Variants in SCAI observed in about 807,000 individuals in gnomAD.
SCAI encodes protein SCAI.
SCAI carries 24 observed loss-of-function variants against 92.2 expected under a neutral mutation model. The observed-to-expected ratio is 0.26, with a 90% CI of 0.19 to 0.37. The LOEUF is 0.37. Ranked by LOEUF, SCAI falls within the 10% of genes least tolerant of loss-of-function variation. The pLI is 1.00. For synonymous variants in SCAI, 261 were observed against 258.6 expected, an observed-to-expected ratio of 1.01 and a Z score of -0.09; for missense variants, 450 against 736.2, an observed-to-expected ratio of 0.61 and a Z score of 4.50.
At chr9:125,106,126 T>TATATATAC (rs1834788157) in intron 2 of SCAI, among the ~76,000 whole-genome samples, 1 of 59,272 alleles carries the variant, frequency 1.7e-5, no homozygotes, top group Admixed American at 1.9e-4. Flanking sequence ...AAAAAAAATA[T>TATATATAC]ATATATATAT....
chr9:125,012,466 C>T (rs1197705756), intron 9 of SCAI, among the ~76,000 whole-genome samples: 1 of 152,186 alleles, frequency 6.6e-6, no homozygotes, highest in African/African-American at 2.4e-5. Context: ...GGGATCGATT[C>T]AACAAGAGCT....
At chr9:125,002,863 A>G (rs888005169) in intron 11 of SCAI, among the ~76,000 whole-genome samples, 2 of 151,860 alleles carry the variant, frequency 1.3e-5, no homozygotes, top group Non-Finnish European at 2.9e-5. Flanking sequence ...TTAATTAATG[A>G]TGGGAATAAT....
chr9:124,980,322 T>TC (rs57436735), intron 14 of SCAI, among the ~76,000 whole-genome samples: 21 of 151,622 alleles, frequency 1.4e-4, no homozygotes, highest in East Asian at 9.7e-4. Context: ...TTTTTTTTTT[T>TC]CCCCCAATAA....
rs71374207 is a variant in SCAI at position 124,944,466 on chromosome 9, A to ATTTTTTTTTTTTTTTTTTTTT, written c.*8320_*8340dup. The ATTTTTTTTTTTTTTTTTTTTT allele has an allele frequency of 1.2e-5, 1 of 84,728 alleles. No individual in the cohort carries two copies. The highest frequency in any genetic ancestry group is 2.1e-5 in the Non-Finnish European group (1 of 47,522). The allele number at this position is 84,728 out of a possible 1,614,324, so 5.2% of individuals were successfully genotyped here. ...AGGCGCACACCACCATGCCTGGCTA[A>ATTTTTTTTTTTTTTTTTTTTT]TTTTTTTTTTTTTTTTTTTTTTTTT... is the stretch of plus-strand genomic sequence containing the variant. On this transcript the variant is annotated 3_prime_UTR_variant, in exon 18 of 18. Coordinates refer to ENST00000336505, the MANE Select transcript of SCAI (RefSeq NM_001144877.3).
chr9:125,079,902 AC>A (rs1277885057), intron 2 of SCAI, among the ~76,000 whole-genome samples: 1 of 152,238 alleles, frequency 6.6e-6, no homozygotes, highest in Non-Finnish European at 1.5e-5. Context: ...GAATATGTGC[AC>A]AACACTTAAC....
intron 3 of SCAI, among the ~76,000 whole-genome samples, chr9:125,053,609 G>C (rs1254841180): frequency 6.6e-6 from 1 of 152,060 alleles, no homozygotes; most frequent in Non-Finnish European, 1.5e-5. Flanking sequence ...ATCCAAAATA[G>C]GTAAATCCAT....
Position 124,990,224 on chromosome 9 carries a change from C to G in SCAI, c.1326+4710G>C, listed in dbSNP as rs140432065. Among the ~76,000 whole-genome samples, 260 of 152,078 alleles carry G rather than the reference C, an allele frequency of 1.7e-3. 2 individuals carry two copies. The highest frequency in any genetic ancestry group is 5.9e-3 in the African/African-American group (244 of 41,494). On this transcript the variant is annotated intron_variant, in intron 14 of 17. Transcript: ENST00000336505. The stretch of plus-strand genomic sequence containing the variant: ...GGAAGCTAGGCTGGGAGCGGTGGTT[C>G]ACGCCTGTAATTCTAGCACTCTGGG...
intron 14 of SCAI, among the ~76,000 whole-genome samples, chr9:124,983,997 G>C (rs1289850010): frequency 6.6e-6 from 1 of 152,192 alleles, no homozygotes; most frequent in Non-Finnish European, 1.5e-5. Flanking sequence ...CTACAGAAAA[G>C]TTAACTGTTA....
chr9:125,105,877 T>C (rs1370106479), intron 2 of SCAI, among the ~76,000 whole-genome samples: 3 of 151,320 alleles, frequency 2.0e-5, no homozygotes, highest in African/African-American at 7.3e-5. Context: ...GGCAGGCAGA[T>C]CATGAGGTCA....
At chr9:125,102,920 CCCTT>C in intron 2 of SCAI, among the ~76,000 whole-genome samples, 1 of 152,236 alleles carries the variant, frequency 6.6e-6, no homozygotes, top group Non-Finnish European at 1.5e-5. Context: ...CTTCTCCTCT[CCCTT>C]AAGTCATCTC....
At chr9:125,052,609 G>A (rs1444218029) in intron 3 of SCAI, among the ~76,000 whole-genome samples, 1 of 151,682 alleles carries the variant, frequency 6.6e-6, no homozygotes, top group Non-Finnish European at 1.5e-5. Flanking sequence ...GGGGACAAGA[G>A]CAAAACTTCA....
chr9:125,037,907 A>T (rs1450459666), intron 3 of SCAI, among the ~76,000 whole-genome samples: 1 of 150,548 alleles, frequency 6.6e-6, no homozygotes, highest in Non-Finnish European at 1.5e-5. Context: ...CGAGAGTGAA[A>T]CTCCATCTCA....
rs1278173517 is a variant in SCAI at position 124,943,927 on chromosome 9, CTATT to C, written c.*8876_*8879del. 1.3e-5 allele frequency: 2 copies of C among 152,296 alleles called. 1 individual carries two copies. Among genetic ancestry groups the C allele is most frequent in the African/African-American group, 4.8e-5 (2 of 41,556 alleles). The allele number at this position is 152,296 out of a possible 1,614,324, so 9.4% of individuals were successfully genotyped here. ...TCTGATTCAATGATTAATGAAATCA[CTATT>C]TATACTGGTGCTACACAACGAAGAT... On this transcript the variant is annotated 3_prime_UTR_variant, in exon 18 of 18. Coordinates refer to ENST00000336505, the MANE Select transcript of SCAI (RefSeq NM_001144877.3).
intron 2 of SCAI, among the ~76,000 whole-genome samples, chr9:125,134,922 C>T (rs1299875620): frequency 2.0e-5 from 3 of 151,990 alleles, no homozygotes; most frequent in Non-Finnish European, 4.4e-5. Context: ...GTGATCCGCC[C>T]GCCTCAGCCT....
chr9:125,039,385 CAAAAAAA>C (rs58716034), intron 3 of SCAI, among the ~76,000 whole-genome samples: 103 of 48,340 alleles, frequency 2.1e-3, no homozygotes, highest in Non-Finnish European at 3.5e-3. Context: ...GACTCCATCT[CAAAAAAA>C]AAAAAAAAAA....
chr9:124,965,063 C>G (rs540318771), intron 17 of SCAI, among the ~76,000 whole-genome samples: 2 of 151,230 alleles, frequency 1.3e-5, no homozygotes, highest in Admixed American at 1.3e-4. Flanking sequence ...TCTTGGTTGG[C>G]AGAAGCTGCT....
intron 6 of SCAI, among the ~76,000 whole-genome samples, chr9:125,025,012 A>G (rs1305621780): frequency 6.6e-6 from 1 of 152,204 alleles, no homozygotes; most frequent in Non-Finnish European, 1.5e-5. Flanking sequence ...CCTTTTGAGG[A>G]GTGAAGATTT....
At chr9:124,968,447 G>T in intron 17 of SCAI, 3 of 1,016,588 alleles carry the variant, frequency 3.0e-6, no homozygotes, top group South Asian at 2.5e-5. Context: ...TGAGTCCACT[G>T]GATGGAGAAG....
chr9:125,082,492 G>A (rs1834241486), intron 2 of SCAI, among the ~76,000 whole-genome samples: 1 of 152,212 alleles, frequency 6.6e-6, no homozygotes, highest in South Asian at 2.1e-4. Context: ...TATGAGAAGA[G>A]GGCCACCGTC....
Sources: allele counts gnomAD v4.1 joint callset (sites outside exome capture counted in the v4.1 genomes callset), GRCh38; gene constraint gnomAD v4.1.1; transcripts MANE v1.5; gene names NCBI Gene and HGNC (gene_info 2026-07-23, HGNC 2026-07-21).